Variants in CFAP251 observed in about 807,000 individuals in gnomAD.
The protein encoded by CFAP251 is cilia and flagella associated protein 251.
Under a neutral mutation model 126.7 loss-of-function variants are expected in CFAP251, and 93 were observed. The observed-to-expected ratio is 0.73, with a 90% CI of 0.62 to 0.87. CFAP251 has a LOEUF of 0.87. CFAP251 is among the 40% of genes least tolerant of loss of function. CFAP251 has a pLI of 0.00. For synonymous variants in CFAP251, 503 were observed against 506.9 expected (o/e 0.99, Z 0.10); for missense variants, 1,287 against 1,389.2 (o/e 0.93, Z 1.17).
In CFAP251 at chr12:121,923,979, G is replaced by GT; in HGVS notation, c.737dup (p.Tyr247ValfsTer63). 6.2e-7 allele frequency: 1 copy of GT among 1,608,690 alleles called. No homozygotes were observed. On this transcript the variant is annotated frameshift_variant, in exon 3 of 22. Transcript: ENST00000288912. LOFTEE classifies it high-confidence loss of function. ...GTTTCAAAAGGATAAAAGCACCCCGGTGTATCCCTTGGTAAGTGTAATGCT... is the reference window on the plus strand; with the variant it reads ...GTTTCAAAAGGATAAAAGCACCCCGGTTGTATCCCTTGGTAAGTGTAATGCT...
At chr12:121,952,293 G>A (rs1881560304) in intron 9 of CFAP251, among the ~76,000 whole-genome samples, 1 of 144,934 alleles carries the variant, frequency 6.9e-6, no homozygotes, top group Non-Finnish European at 1.5e-5. Context: ...GGTGGTATGA[G>A]TCTGTGGTCC....
intron 19 of CFAP251, among the ~76,000 whole-genome samples, chr12:121,991,972 G>A (rs748207268): frequency 2.6e-5 from 4 of 152,068 alleles, no homozygotes; most frequent in Admixed American, 2.0e-4. Context: ...CTGCCTGGGC[G>A]ACAGAGTGAG....
intron 21 of CFAP251, among the ~76,000 whole-genome samples, chr12:122,003,300 C>T (rs992747198): frequency 6.6e-6 from 1 of 152,138 alleles, no homozygotes; most frequent in African/African-American, 2.4e-5. Context: ...TCATTGAGGC[C>T]AGATGCGGTA....
intron 17 of CFAP251, chr12:121,968,898 T>C (rs1882240920): frequency 4.1e-6 from 4 of 985,410 alleles, no homozygotes; most frequent in Non-Finnish European, 3.6e-6. Context: ...CATTTGCTTA[T>C]GAGCTCAGAA....
intron 19 of CFAP251, among the ~76,000 whole-genome samples, chr12:121,981,552 A>G (rs1442351406): frequency 6.6e-6 from 1 of 152,202 alleles, no homozygotes; most frequent in Non-Finnish European, 1.5e-5. Context: ...TTCTGAAGCA[A>G]GTTCCAGGCA....
chr12:121,928,822 G>C (rs1166497375), intron 3 of CFAP251, among the ~76,000 whole-genome samples: 1 of 151,286 alleles, frequency 6.6e-6, no homozygotes, highest in Non-Finnish European at 1.5e-5. Context: ...TCAGCCTCCT[G>C]AGTAGATGGG....
intron 19 of CFAP251, among the ~76,000 whole-genome samples, chr12:121,976,523 C>T (rs1882463847): frequency 6.6e-6 from 1 of 152,208 alleles, no homozygotes; most frequent in Middle Eastern, 3.4e-3. Flanking sequence ...CCCTCATGAC[C>T]GTGCTGCAGA....
intron 4 of CFAP251, chr12:121,932,549 C>T (rs1880735313): frequency 6.6e-6 from 1 of 152,638 alleles, no homozygotes; most frequent in Non-Finnish European, 1.5e-5. Flanking sequence ...GGACCCACTT[C>T]ATTTTCATCA....
At chr12:121,971,478 C>G (rs1882326134) in intron 17 of CFAP251, 1 of 699,302 alleles carries the variant, frequency 1.4e-6, no homozygotes, top group African/African-American at 1.7e-5. Context: ...GTAATAATCC[C>G]AACCACTTGT....
chr12:121,948,885 C>T, intron 7 of CFAP251, 99 bp from the exon 8 acceptor site: 2 of 672,562 alleles, frequency 3.0e-6, no homozygotes, highest in East Asian at 3.2e-5. Flanking sequence ...TATATTCCTA[C>T]TCATTTGTTT....
chr12:122,001,908 T>C (rs901524688), intron 21 of CFAP251: 3 of 382,876 alleles, frequency 7.8e-6, no homozygotes, highest in Admixed American at 7.2e-5. Flanking sequence ...GACAGCTGTT[T>C]CAGGAGAATA....
chr12:121,969,051 C>T (rs1005522623), intron 17 of CFAP251: 3 of 985,242 alleles, frequency 3.0e-6, no homozygotes, highest in Non-Finnish European at 2.4e-6. Context: ...CTGCCTGTGG[C>T]TCGGCTGGGC....
chr12:121,983,377 C>T (rs535357189), intron 19 of CFAP251, among the ~76,000 whole-genome samples: 4 of 149,812 alleles, frequency 2.7e-5, no homozygotes, highest in Non-Finnish European at 5.9e-5. Context: ...TGTCCTCCAG[C>T]CTGGGCACCA....
intron 17 of CFAP251, chr12:121,969,208 AGCT>A (rs977382465): frequency 1.3e-5 from 13 of 985,380 alleles, no homozygotes; most frequent in Non-Finnish European, 1.6e-5. Flanking sequence ...CAGATATTGA[AGCT>A]TCTACTCTTA....
At chr12:121,929,232 ACT>A (rs1432976394) in intron 3 of CFAP251, among the ~76,000 whole-genome samples, 3 of 149,140 alleles carry the variant, frequency 2.0e-5, no homozygotes, top group Non-Finnish European at 4.4e-5. Flanking sequence ...GAGGCAGGAG[ACT>A]CTCTTGAACC....
chr12:121,946,972 GT>G, intron 7 of CFAP251, among the ~76,000 whole-genome samples: 1 of 152,116 alleles, frequency 6.6e-6, no homozygotes, highest in Non-Finnish European at 1.5e-5. Flanking sequence ...AACCTGAGAT[GT>G]TATATCTCTT....
intron 14 of CFAP251, among the ~76,000 whole-genome samples, chr12:121,961,059 G>T (rs1881916631): frequency 1.3e-5 from 2 of 152,158 alleles, no homozygotes; most frequent in African/African-American, 2.4e-5. Context: ...TGTGCACGGG[G>T]AGGGCTGACA....
chr12:121,942,543 G>A lies in CFAP251; in HGVS notation c.1008G>A (p.Val336=), dbSNP rs765115351. 1 of 1,613,316 alleles carries A rather than the reference G, an allele frequency of 6.2e-7. No individual in the cohort carries two copies. Among genetic ancestry groups the A allele is most frequent in the Non-Finnish European group, 8.5e-7 (1 of 1,179,514 alleles). Residue 336 remains valine, a synonymous_variant, in exon 6 of 22, where the codon GTG becomes GTA. Transcript: ENST00000288912. ...IIWDSFTGIP[V]HTIFDSCPEG... ...TTGTCCTGTTTTGCAGTATTCCTGT[G>A]CACACAATATTTGACAGCTGCCCTG...
chr12:121,956,784 C>T (rs1182069761), intron 10 of CFAP251, among the ~76,000 whole-genome samples: 1 of 152,164 alleles, frequency 6.6e-6, no homozygotes, highest in Non-Finnish European at 1.5e-5. Flanking sequence ...ACATGAGCCA[C>T]CACACCCAGC....
Sources: allele counts gnomAD v4.1 joint callset (sites outside exome capture counted in the v4.1 genomes callset), GRCh38; gene constraint gnomAD v4.1.1; transcripts MANE v1.5; gene names NCBI Gene and HGNC (gene_info 2026-07-23, HGNC 2026-07-21).